Variants in PTPN4 observed in about 807,000 individuals in gnomAD.
PTPN4 encodes tyrosine-protein phosphatase non-receptor type 4.
In PTPN4, 49 loss-of-function variants were observed where a neutral mutation model predicts 135.5. The ratio of observed to expected loss-of-function variants is 0.36; its 90% CI spans 0.29 to 0.46. The LOEUF is 0.46. Ranked by LOEUF, PTPN4 falls within the 20% of genes least tolerant of loss-of-function variation. PTPN4 has a pLI of 1.00. For synonymous variants in PTPN4, 333 were observed against 369.9 expected (o/e 0.90, Z 1.14); for missense variants, 860 against 1,101.0 (o/e 0.78, Z 3.10).
At chr2:119,947,895 C>T (rs1438425775) in intron 18 of PTPN4, among the ~76,000 whole-genome samples, 1 of 151,994 alleles carries the variant, frequency 6.6e-6, no homozygotes, top group Non-Finnish European at 1.5e-5. Flanking sequence ...CTAATAACTT[C>T]CAGGTTTGTA....
chr2:119,922,670 G>A (rs1678755796), intron 12 of PTPN4, among the ~76,000 whole-genome samples: 1 of 152,096 alleles, frequency 6.6e-6, no homozygotes, highest in East Asian at 1.9e-4. Context: ...AGATTTTATT[G>A]TGTCAGGGTC....
chr2:119,833,955 C>T (rs1220958305), intron 2 of PTPN4, among the ~76,000 whole-genome samples: 1 of 152,204 alleles, frequency 6.6e-6, no homozygotes, highest in Non-Finnish European at 1.5e-5. Context: ...AAGGCCTGCA[C>T]ATTTTTCCAC....
chr2:119,877,646 T>G, intron 5 of PTPN4, 104 bp downstream of exon 5: 1 of 1,376,268 alleles, frequency 7.3e-7, no homozygotes, highest in East Asian at 2.5e-5. Flanking sequence ...AATTCTGAGC[T>G]TTCCAGTCAG....
chr2:119,938,290 G>T (rs1174071839), intron 15 of PTPN4, among the ~76,000 whole-genome samples: 1 of 151,756 alleles, frequency 6.6e-6, no homozygotes, highest in Non-Finnish European at 1.5e-5. Flanking sequence ...ACCACACCCG[G>T]CTAATTTTTT....
At chr2:119,848,267 G>A (rs572789168) in intron 2 of PTPN4, among the ~76,000 whole-genome samples, 46 of 150,520 alleles carry the variant, frequency 3.1e-4, no homozygotes, top group East Asian at 2.4e-3. Flanking sequence ...TCCGCCTCCC[G>A]GATTCACACC....
chr2:119,807,581 T>C (rs1020003460), intron 1 of PTPN4, among the ~76,000 whole-genome samples: 2 of 152,142 alleles, frequency 1.3e-5, no homozygotes, highest in African/African-American at 4.8e-5. Context: ...AGGCAATAAT[T>C]AATAGCCTAC....
intron 1 of PTPN4, among the ~76,000 whole-genome samples, chr2:119,763,200 T>C (rs1052442633): frequency 6.6e-6 from 1 of 152,206 alleles, no homozygotes; most frequent in African/African-American, 2.4e-5. Context: ...CTCACATTCA[T>C]TCTTCATTTC....
intron 3 of PTPN4, among the ~76,000 whole-genome samples, chr2:119,873,131 A>G (rs1366114545): frequency 1.3e-5 from 2 of 150,944 alleles, no homozygotes; most frequent in Non-Finnish European, 2.9e-5. Flanking sequence ...AACCAGGACT[A>G]TAGGCATGCA....
intron 25 of PTPN4, among the ~76,000 whole-genome samples, chr2:119,965,973 C>A (rs561447984): frequency 2.0e-5 from 3 of 152,220 alleles, no homozygotes; most frequent in South Asian, 2.1e-4. Context: ...TGCTATGTAA[C>A]AAAATATTCG....
chr2:119,968,567 G>A (rs994913538), intron 26 of PTPN4, among the ~76,000 whole-genome samples: 29 of 152,100 alleles, frequency 1.9e-4, no homozygotes, highest in African/African-American at 4.3e-4. Flanking sequence ...CGAGGCGGGC[G>A]GATCACGAGG....
chr2:119,911,112 C>T (rs1228959587), intron 10 of PTPN4, among the ~76,000 whole-genome samples: 4 of 152,008 alleles, frequency 2.6e-5, no homozygotes, highest in African/African-American at 9.7e-5. Flanking sequence ...GAAGTGAGGC[C>T]AATTTTACAT....
chr2:119,927,195 C>T (rs1033142020), intron 13 of PTPN4, among the ~76,000 whole-genome samples: 9 of 147,816 alleles, frequency 6.1e-5, no homozygotes, highest in Non-Finnish European at 1.3e-4. Context: ...CTCACTGCAA[C>T]CTCTGCCTTC....
intron 2 of PTPN4, among the ~76,000 whole-genome samples, chr2:119,847,275 TACACACACACACAC>T (rs775485671): frequency 2.5e-3 from 270 of 107,518 alleles, no homozygotes; most frequent in Non-Finnish European, 3.5e-3. Flanking sequence ...ATACTCTATA[TACACACACACACAC>T]ACACACACAC....
intron 1 of PTPN4, among the ~76,000 whole-genome samples, chr2:119,766,460 G>GCA (rs1558718923): frequency 7.1e-6 from 1 of 140,058 alleles, no homozygotes; most frequent in East Asian, 2.0e-4. Context: ...GTGTGTGTGT[G>GCA]TGTGTGTGTG....
At chr2:119,921,007 G>C (rs942555084) in intron 12 of PTPN4, among the ~76,000 whole-genome samples, 27 of 152,084 alleles carry the variant, frequency 1.8e-4, no homozygotes, top group African/African-American at 6.3e-4. Context: ...TTGGCCAGTC[G>C]CAATGGCTCA....
chr2:119,910,667 G>T (rs563701239), intron 10 of PTPN4, among the ~76,000 whole-genome samples: 1 of 152,134 alleles, frequency 6.6e-6, no homozygotes, highest in Non-Finnish European at 1.5e-5. Context: ...TCATGATAAT[G>T]AGTGAGTCTC....
At chr2:119,865,600 CA>C (rs1319210007) in intron 3 of PTPN4, among the ~76,000 whole-genome samples, 1 of 151,904 alleles carries the variant, frequency 6.6e-6, no homozygotes, top group Non-Finnish European at 1.5e-5. Flanking sequence ...AGTAAATGAA[CA>C]TATTAAGGAG....
chr2:119,843,021 T>C (rs72836838), intron 2 of PTPN4, among the ~76,000 whole-genome samples: 3,668 of 152,354 alleles, frequency 0.024, 65 homozygotes, highest in Non-Finnish European at 0.033. Context: ...TACTAACTTG[T>C]TAAAAGTTAT....
intron 15 of PTPN4, among the ~76,000 whole-genome samples, chr2:119,939,695 A>G (rs773033320): frequency 6.6e-6 from 1 of 152,130 alleles, no homozygotes; most frequent in Non-Finnish European, 1.5e-5. Flanking sequence ...AGCTTTGTCT[A>G]TACCTCTTCA....
Sources: gnomAD v4.1 joint callset for allele counts (sites outside exome capture counted in the v4.1 genomes callset) on GRCh38, gnomAD v4.1.1 for gene constraint, MANE v1.5 for transcripts, NCBI Gene and HGNC (gene_info 2026-07-23, HGNC 2026-07-21) for gene names.